The following LRP1B variants were observed in gnomAD, a reference collection of about 807,000 sequenced individuals.
LRP1B encodes low-density lipoprotein receptor-related protein 1B.
LRP1B carries 217 observed loss-of-function variants against 556.6 expected under a neutral mutation model. The ratio of observed to expected loss-of-function variants is 0.39; its 90% CI spans 0.35 to 0.44. The LOEUF is 0.44. Ranked by LOEUF, LRP1B falls within the 20% of genes least tolerant of loss-of-function variation. LRP1B has a pLI of 1.00. For synonymous variants in LRP1B, 2,047 were observed against 1,865.8 expected (o/e 1.10, Z -2.50); for missense variants, 5,053 against 5,620.8 (o/e 0.90, Z 3.23).
intron 53 of LRP1B, 91 bp from the exon 54 acceptor site, chr2:140,503,194 T>G: frequency 9.3e-7 from 1 of 1,079,424 alleles, no homozygotes; most frequent in South Asian, 1.5e-5. Context: ...CGGATTAATG[T>G]GGATTACTCA....
At position 140,525,906 on chromosome 2, in the gene LRP1B, G is replaced by A. The variant is rs1207151647; in HGVS notation, c.7964C>T (p.Pro2655Leu). Residue 2655 changes from proline to leucine, a missense_variant, in exon 49 of 91, where the codon CCA becomes CTA. Around this residue, in one of 5 missense-constraint regions of LRP1B, gnomAD observed 3,619 missense variants for 3,931.9 expected, o/e 0.92. Transcript: ENST00000389484. The stretch of plus-strand genomic sequence containing the variant: ...ATTAGACCCGTCGCATATCCAGGTT[G>A]GCAGAACACACAGTGAGGTAGAATT... Reference protein sequence around the residue: ...RCNSTSLCVLPTWICDGSNDC... With the variant: ...RCNSTSLCVLLTWICDGSNDC... 6.2e-7 allele frequency: 1 copy of A among 1,612,268 alleles called. No individual in the cohort carries two copies. The highest frequency in any genetic ancestry group is 1.1e-5 in the South Asian group (1 of 91,048).
intron 2 of LRP1B, among the ~76,000 whole-genome samples, chr2:141,738,145 C>T (rs1176889696): frequency 6.6e-6 from 1 of 152,052 alleles, no homozygotes; most frequent in Non-Finnish European, 1.5e-5. Context: ...ACACTCTGTA[C>T]ATATGAGAAC....
chr2:140,238,024 C>T, intron 89 of LRP1B, 128 bp downstream of exon 89: 1 of 712,256 alleles, frequency 1.4e-6, no homozygotes, highest in Non-Finnish European at 2.2e-6. Context: ...CTATATCATT[C>T]AATACATCCT....
chr2:140,364,928 G>A, intron 71 of LRP1B, 145 bp from the exon 72 acceptor site: 3 of 585,594 alleles, frequency 5.1e-6, no homozygotes, highest in Non-Finnish European at 8.4e-6. Flanking sequence ...ATAATACCAG[G>A]AACAAGTAAT....
intron 1 of LRP1B, among the ~76,000 whole-genome samples, chr2:141,832,999 C>A (rs1697159792): frequency 6.6e-6 from 1 of 151,510 alleles, no homozygotes; most frequent in African/African-American, 2.4e-5. Context: ...ATTTCAATTG[C>A]CTGTCTTTAT....
At chr2:141,699,369 C>T (rs1445372842) in intron 2 of LRP1B, among the ~76,000 whole-genome samples, 1 of 151,736 alleles carries the variant, frequency 6.6e-6, no homozygotes, top group Non-Finnish European at 1.5e-5. Context: ...TTGTTAGATG[C>T]TATAGATGTC....
chr2:140,664,769 T>C (rs1265502707), intron 41 of LRP1B, among the ~76,000 whole-genome samples: 1 of 152,060 alleles, frequency 6.6e-6, no homozygotes. Flanking sequence ...CGTTCTTAAG[T>C]GCTTTGTGAC....
chr2:140,955,574 T>C (rs1363595792), intron 18 of LRP1B, among the ~76,000 whole-genome samples: 1 of 151,818 alleles, frequency 6.6e-6, no homozygotes. Context: ...ATCTTGGTAG[T>C]TACTTAAACC....
At chr2:140,699,821 C>G (rs931084704) in intron 41 of LRP1B, among the ~76,000 whole-genome samples, 11 of 144,716 alleles carry the variant, frequency 7.6e-5, no homozygotes, top group African/African-American at 2.8e-4. Context: ...TATATATATA[C>G]ACATATATAC....
intron 3 of LRP1B, among the ~76,000 whole-genome samples, chr2:141,464,514 G>A (rs747275878): frequency 7.3e-4 from 109 of 148,916 alleles, no homozygotes; most frequent in Middle Eastern, 6.9e-3. Context: ...CCGGGTTCAC[G>A]CCATTCTCCT....
intron 2 of LRP1B, among the ~76,000 whole-genome samples, chr2:141,747,576 G>T (rs1000978843): frequency 2.0e-5 from 3 of 152,142 alleles, no homozygotes; most frequent in African/African-American, 7.2e-5. Context: ...CTTTGAAGCT[G>T]CAGTGTGCTA....
At position 140,591,746 on chromosome 2, in the gene LRP1B, T is replaced by G. The variant is rs986662580; in HGVS notation, c.7194+6885A>C. Among the ~76,000 whole-genome samples the G allele has an allele frequency of 4.1e-4, 63 of 152,196 alleles. 3 individuals are homozygous for G. The highest frequency in any genetic ancestry group is 4.1e-3 in the Admixed American group (63 of 15,280). ...CAAGATATTCTCAAAGATGAAAACC[T>G]GCTTATAATTATCTGATCCTAGAAT... On this transcript the variant is annotated intron_variant, in intron 43 of 90. Transcript: ENST00000389484.
chr2:141,866,952 G>C lies in LRP1B; in HGVS notation c.83-56551C>G, dbSNP rs566490105. 2.6e-5 allele frequency among the ~76,000 whole-genome samples: 4 copies of C among 152,242 alleles called. No homozygotes were observed. In the South Asian group the frequency reaches 8.3e-4, roughly 32 times the overall value. ...GATTTGACCCAAACTCAGAGTTTTT[G>C]CCATGTCAGTATCTGTGGAGTGGAT... On this transcript the variant is annotated intron_variant, in intron 1 of 90. Coordinates refer to ENST00000389484, the MANE Select transcript of LRP1B (RefSeq NM_018557.3).
intron 2 of LRP1B, among the ~76,000 whole-genome samples, chr2:141,778,871 G>A (rs936077968): frequency 2.0e-5 from 3 of 152,044 alleles, no homozygotes; most frequent in South Asian, 4.2e-4. Flanking sequence ...GAATGCTTTC[G>A]CTGTTTAATG....
At chr2:140,977,942 C>CGTTA (rs1696655080) in intron 18 of LRP1B, among the ~76,000 whole-genome samples, 1 of 152,164 alleles carries the variant, frequency 6.6e-6, no homozygotes, top group African/African-American at 2.4e-5. Flanking sequence ...TGAGAACCAA[C>CGTTA]GTTAGTCTTA....
intron 3 of LRP1B, chr2:141,286,733 TTTGTACATTGAATTTGTACA>T (rs757663636): frequency 2.4e-4 from 105 of 445,730 alleles, no homozygotes; most frequent in Non-Finnish European, 4.3e-4. Context: ...ATTCAATGAA[TTTGTACATTGAATTTGTACA>T]TTGTACATTT....
At chr2:140,861,010 CTATCTATCTATCTATCTAATT>C (rs1389459761) in intron 27 of LRP1B, among the ~76,000 whole-genome samples, 1 of 151,896 alleles carries the variant, frequency 6.6e-6, no homozygotes, top group East Asian at 1.9e-4. Flanking sequence ...ATCTATCTAT[CTATCTATCTATCTATCTAATT>C]TATCTAATTT....
At chr2:140,936,230 C>T (rs951161720) in intron 20 of LRP1B, among the ~76,000 whole-genome samples, 6 of 148,766 alleles carry the variant, frequency 4.0e-5, no homozygotes, top group African/African-American at 1.5e-4. Context: ...ATCTCAGCTA[C>T]TTTGGAGGCT....
At chr2:141,457,160 A>G (rs1328023560) in intron 3 of LRP1B, among the ~76,000 whole-genome samples, 1 of 152,218 alleles carries the variant, frequency 6.6e-6, no homozygotes, top group Non-Finnish European at 1.5e-5. Context: ...GTTAAGGGTT[A>G]AGAATAATTT....
Sources: allele counts gnomAD v4.1 joint callset (sites outside exome capture counted in the v4.1 genomes callset), GRCh38; gene constraint gnomAD v4.1.1; regional missense constraint gnomAD v4.1.1; transcripts MANE v1.5; gene names NCBI Gene and HGNC (gene_info 2026-07-23, HGNC 2026-07-21).